TSNARE1: variants seen among roughly 807,000 people sequenced by gnomAD.
TSNARE1 encodes t-SNARE domain-containing protein 1.
Under a neutral mutation model 62.0 loss-of-function variants are expected in TSNARE1, and 49 were observed. The ratio of observed to expected loss-of-function variants is 0.79; its 90% CI spans 0.63 to 1.00. The LOEUF is 1.00. TSNARE1 is among the 50% of genes least tolerant of loss of function. The pLI is 0.00. For synonymous variants in TSNARE1, 328 were observed against 294.4 expected, an observed-to-expected ratio of 1.11 and a Z score of -1.17; for missense variants, 755 against 700.1, an observed-to-expected ratio of 1.08 and a Z score of -0.88.
chr8:142,336,282 C>CAAAAA (rs749299318), intron 4 of TSNARE1, among the ~76,000 whole-genome samples: 7 of 25,136 alleles, frequency 2.8e-4, no homozygotes, highest in African/African-American at 4.6e-4. Context: ...GACCCTGTCT[C>CAAAAA]AAAAAAAAAA....
At chr8:142,258,481 T>C (rs1426763234) in intron 12 of TSNARE1, among the ~76,000 whole-genome samples, 2 of 82,234 alleles carry the variant, frequency 2.4e-5, no homozygotes, top group Non-Finnish European at 2.1e-5. Flanking sequence ...CTTGTGCTTT[T>C]TTTTTTTTTT....
intron 12 of TSNARE1, among the ~76,000 whole-genome samples, chr8:142,253,360 A>G (rs1335245905): frequency 6.6e-6 from 1 of 152,218 alleles, no homozygotes. Flanking sequence ...CAGGAAAGGC[A>G]CAGACAAGGT....
At chr8:142,390,386 G>T (rs1403414436) in intron 1 of TSNARE1, among the ~76,000 whole-genome samples, 4 of 105,554 alleles carry the variant, frequency 3.8e-5, no homozygotes, top group African/African-American at 1.7e-4. Context: ...TGTACACTGC[G>T]GGGGACTCCG....
chr8:142,223,133 CTCAT>C (rs1478011474), intron 13 of TSNARE1, among the ~76,000 whole-genome samples: 7 of 147,788 alleles, frequency 4.7e-5, no homozygotes, highest in Admixed American at 1.3e-4. Context: ...CACTCATTCA[CTCAT>C]TCACTCATCC....
chr8:142,223,169 C>T (rs867728490), intron 13 of TSNARE1, among the ~76,000 whole-genome samples: 1 of 47,944 alleles, frequency 2.1e-5, no homozygotes, highest in Non-Finnish European at 4.2e-5. Flanking sequence ...CACTCACTCA[C>T]TCAAGTATTC....
At chr8:142,223,006 A>G in intron 13 of TSNARE1, among the ~76,000 whole-genome samples, 1 of 62,654 alleles carries the variant, frequency 1.6e-5, no homozygotes, top group African/African-American at 5.8e-5. Flanking sequence ...TCATTCACTC[A>G]TTTACTCACT....
chr8:142,282,225 C>G (rs1237695553), intron 11 of TSNARE1, among the ~76,000 whole-genome samples: 1 of 152,180 alleles, frequency 6.6e-6, no homozygotes, highest in African/African-American at 2.4e-5. Context: ...ACCCCCCCAG[C>G]ACGGGTACAT....
chr8:142,223,579 T>G (rs923576006), intron 13 of TSNARE1, among the ~76,000 whole-genome samples: 35 of 2,460 alleles, frequency 0.014, 16 homozygotes, highest in Middle Eastern at 0.17. Flanking sequence ...CACTAACTCA[T>G]CCACTCACTC....
At chr8:142,269,679 G>A in intron 12 of TSNARE1, 3 of 985,356 alleles carry the variant, frequency 3.0e-6, no homozygotes, top group Non-Finnish European at 3.6e-6. Flanking sequence ...ATCTACAGAG[G>A]CTTCCTGGAG....
At chr8:142,231,490 G>A (rs1232968403) in intron 12 of TSNARE1, among the ~76,000 whole-genome samples, 1 of 152,096 alleles carries the variant, frequency 6.6e-6, no homozygotes, top group Non-Finnish European at 1.5e-5. Context: ...TTGGCGGGGG[G>A]GCAGTCAACC....
At chr8:142,371,454 G>A (rs996752195) in intron 1 of TSNARE1, among the ~76,000 whole-genome samples, 7 of 152,180 alleles carry the variant, frequency 4.6e-5, no homozygotes, top group Admixed American at 2.0e-4. Context: ...ATGCACGACT[G>A]TACAAATTCA....
chr8:142,308,983 T>C (rs1184331293), intron 9 of TSNARE1, among the ~76,000 whole-genome samples: 2 of 152,218 alleles, frequency 1.3e-5, no homozygotes, highest in South Asian at 2.1e-4. Flanking sequence ...CTCTTAGTAA[T>C]GTGGCATGTT....
chr8:142,274,800 G>T lies in TSNARE1; in HGVS notation c.1427C>A (p.Ala476Asp). ...SHAEAARQLLAGASRHQLQRH... is the reference protein window; with the variant it reads ...SHAEAARQLLDGASRHQLQRH... The stretch of plus-strand genomic sequence containing the variant: ...ACTTACTTGGTGCCGGCTGGCTCCA[G>T]CCAGGAGCTGGCGGGCTGCCTCCGC... Residue 476 changes from alanine (A) to aspartate (D), a missense_variant, in exon 12 of 14, where the codon GCT (alanine) becomes GAT (aspartate). Physicochemically the swap from Ala to Asp is moderately radical, Grantham distance 126. Transcript: ENST00000524325. 6.3e-7 allele frequency: 1 copy of T among 1,578,176 alleles called. No homozygotes were observed. Among genetic ancestry groups the T allele is most frequent in the Non-Finnish European group, 8.6e-7 (1 of 1,162,800 alleles).
rs553877459 is a variant in TSNARE1, at chr8:142,296,546, CTGTGG to C, written c.1290+3935_1290+3939del. On this transcript the variant is annotated intron_variant, in intron 10 of 13. Coordinates refer to ENST00000524325, the MANE Select transcript of TSNARE1 (RefSeq NM_145003.5). ...CGGTTCCACAAGTACTGGCAAGTCG[CTGTGG>C]AGCCCACTACTCCAGGCTCTGGGGA... is the stretch of plus-strand genomic sequence containing the variant. Among the ~76,000 whole-genome samples, 102 of 152,100 alleles carry C rather than the reference CTGTGG, an allele frequency of 6.7e-4. 1 individual carries two copies. In the East Asian group the frequency reaches 0.014, roughly 21 times the overall value.
At chr8:142,339,070 G>C (rs901943251) in intron 4 of TSNARE1, among the ~76,000 whole-genome samples, 1 of 152,094 alleles carries the variant, frequency 6.6e-6, no homozygotes, top group African/African-American at 2.4e-5. Context: ...ATGGACAGAC[G>C]TGAGGAAAGA....
intron 1 of TSNARE1, among the ~76,000 whole-genome samples, chr8:142,388,480 T>C (rs2131322951): frequency 6.9e-6 from 1 of 145,680 alleles, no homozygotes. Context: ...ATGGATACCT[T>C]GAAAACCCAA....
In TSNARE1 at chr8:142,345,832, C is replaced by T; in HGVS notation, c.149G>A (p.Ser50Asn). Residue 50 changes from serine to asparagine, a missense_variant, in exon 3 of 14, where the codon AGC (serine) becomes AAC (asparagine). By Grantham distance (46) the Ser-to-Asn change is conservative. Transcript: ENST00000524325. ...IRHFPCPSPESKLQNRCVGKD... is the reference protein window; with the variant it reads ...IRHFPCPSPENKLQNRCVGKD... ...CCCCACACAGCGGTTCTGCAGCTTG[C>T]TCTCTGGCGACGGGCAGGGGAAATG... The T allele has an allele frequency of 6.2e-7, 1 of 1,613,998 alleles. No individual in the cohort carries two copies. The highest frequency in any genetic ancestry group is 1.1e-5 in the South Asian group (1 of 91,052).
At chr8:142,255,465 C>T (rs1818392998) in intron 12 of TSNARE1, among the ~76,000 whole-genome samples, 2 of 77,474 alleles carry the variant, frequency 2.6e-5, no homozygotes, top group African/African-American at 7.3e-5. Context: ...TCACCATCAC[C>T]ATCACCACCA....
At chr8:142,275,344 C>T (rs1295229315) in intron 11 of TSNARE1, 31 of 985,300 alleles carry the variant, frequency 3.1e-5, no homozygotes, top group Admixed American at 6.1e-5. Context: ...CACTGGCCCT[C>T]GACTCAAGCA....
Sources: allele counts gnomAD v4.1 joint callset (sites outside exome capture counted in the v4.1 genomes callset), GRCh38; gene constraint gnomAD v4.1.1; transcripts MANE v1.5; gene names NCBI Gene and HGNC (gene_info 2026-07-23, HGNC 2026-07-21).